RGS7BP: variants seen among roughly 807,000 people sequenced by gnomAD.
The protein encoded by RGS7BP is regulator of G protein signaling 7 binding protein, also known as regulator of G protein signaling 7-binding protein.
RGS7BP carries 9 observed loss-of-function variants against 31.3 expected under a neutral mutation model. The ratio of observed to expected loss-of-function variants is 0.29; its 90% CI spans 0.17 to 0.50. The LOEUF is 0.50. Ranked by LOEUF, RGS7BP falls within the 20% of genes least tolerant of loss-of-function variation. RGS7BP has a pLI of 0.98. For missense variants in RGS7BP, 274 were observed against 322.0 expected, an observed-to-expected ratio of 0.85 and a Z score of 1.14; for synonymous variants, 115 against 120.1, an observed-to-expected ratio of 0.96 and a Z score of 0.28.
intron 3 of RGS7BP, among the ~76,000 whole-genome samples, chr5:64,577,302 C>T (rs1388315877): frequency 6.6e-6 from 1 of 151,984 alleles, no homozygotes; most frequent in Non-Finnish European, 1.5e-5. Flanking sequence ...ATTAGCCAGG[C>T]TTGGTGGGGG....
Position 64,552,424 on chromosome 5 carries a change from G to A in RGS7BP, c.333-23350G>A, listed in dbSNP as rs1741819011. ...ACATTTTCTTAATTATTTAACTTATGAAGTAGAAAGTATCTTATTGAATTT... is the reference window on the plus strand; with the variant it reads ...ACATTTTCTTAATTATTTAACTTATAAAGTAGAAAGTATCTTATTGAATTT... On this transcript the variant is annotated intron_variant, in intron 2 of 5. Transcript: ENST00000334025. Among the ~76,000 whole-genome samples the A allele has an allele frequency of 1.3e-5, 2 of 151,980 alleles. 1 individual carries two copies. Among genetic ancestry groups the A allele is most frequent in the South Asian group, 4.2e-4 (2 of 4,812 alleles).
rs562190586 is a variant in RGS7BP, at chr5:64,609,791, A to T, written c.*539A>T. The T allele has an allele frequency of 5.9e-5, 9 of 152,780 alleles. 1 individual carries two copies. Among genetic ancestry groups the T allele is most frequent in the African/African-American group, 2.2e-4 (9 of 41,556 alleles). The allele number at this position is 152,780 out of a possible 1,614,324, so 9.5% of individuals were successfully genotyped here. On this transcript the variant is annotated 3_prime_UTR_variant, in exon 6 of 6. Transcript: ENST00000334025. ...CCTATTGCTTTCTCTGCACTCATTTACATTTAGTCTTCCATTCTGTCAGAA... is the reference window on the plus strand; with the variant it reads ...CCTATTGCTTTCTCTGCACTCATTTTCATTTAGTCTTCCATTCTGTCAGAA...
chr5:64,516,814 G>A (rs1372369077), intron 2 of RGS7BP, among the ~76,000 whole-genome samples: 3 of 152,078 alleles, frequency 2.0e-5, no homozygotes, highest in Non-Finnish European at 4.4e-5. Flanking sequence ...GAAATCACCT[G>A]GGAAGCTTTA....
At chr5:64,541,055 T>C (rs1271392020) in intron 2 of RGS7BP, among the ~76,000 whole-genome samples, 3 of 152,144 alleles carry the variant, frequency 2.0e-5, no homozygotes, top group African/African-American at 7.2e-5. Flanking sequence ...GGATAATTTA[T>C]AAAGAAAAGA....
At chr5:64,579,583 A>G (rs1285817700) in intron 3 of RGS7BP, among the ~76,000 whole-genome samples, 1 of 151,024 alleles carries the variant, frequency 6.6e-6, no homozygotes, top group Non-Finnish European at 1.5e-5. Context: ...AGAAAAGAAA[A>G]GAAATATATT....
intron 2 of RGS7BP, among the ~76,000 whole-genome samples, chr5:64,525,220 T>C (rs534420759): frequency 6.6e-6 from 1 of 151,790 alleles, no homozygotes; most frequent in East Asian, 2.0e-4. Context: ...GTGATGGAGG[T>C]AGAGATAGGA....
chr5:64,533,861 C>T (rs1749437148), intron 2 of RGS7BP, among the ~76,000 whole-genome samples: 1 of 152,138 alleles, frequency 6.6e-6, no homozygotes, highest in Non-Finnish European at 1.5e-5. Flanking sequence ...TATTGAGTAC[C>T]TACTATGTAC....
intron 3 of RGS7BP, among the ~76,000 whole-genome samples, chr5:64,589,108 A>G (rs1742839409): frequency 6.6e-6 from 1 of 151,894 alleles, no homozygotes; most frequent in Admixed American, 6.6e-5. Flanking sequence ...CAGCATGGCC[A>G]ACCTGGCCAA....
chr5:64,571,986 C>T (rs559266980), intron 2 of RGS7BP, among the ~76,000 whole-genome samples: 1 of 152,068 alleles, frequency 6.6e-6, no homozygotes, highest in Non-Finnish European at 1.5e-5. Flanking sequence ...ACAATCTAGT[C>T]GCTAACTCAT....
intron 2 of RGS7BP, among the ~76,000 whole-genome samples, chr5:64,528,329 A>G (rs552722660): frequency 1.3e-5 from 2 of 152,308 alleles, no homozygotes; most frequent in African/African-American, 4.8e-5. Context: ...GCATCCTGTG[A>G]TATTTTTTGC....
In RGS7BP at chr5:64,575,868, A is replaced by G; in HGVS notation, c.427A>G (p.Ile143Val). The stretch of plus-strand genomic sequence containing the variant: ...GTATACCACAGAGATGCTAAAATCC[A>G]TATGTCTGCTGGGGTCTCTTCAGTT... ...EMYTTEMLKSICLLGSLQFHR... is the reference protein window; with the variant it reads ...EMYTTEMLKSVCLLGSLQFHR... The change falls in exon 3 of 6, where the codon ATA (isoleucine) becomes GTA (valine). Residue 143 changes from isoleucine to valine, a missense_variant. Physicochemically the swap from Ile to Val is conservative, Grantham distance 29. Coordinates refer to ENST00000334025, the MANE Select transcript of RGS7BP (RefSeq NM_001029875.3). 1 of 1,613,514 alleles carries G rather than the reference A, an allele frequency of 6.2e-7. No homozygotes were observed. The highest frequency in any genetic ancestry group is 8.5e-7 in the Non-Finnish European group (1 of 1,179,676).
At chr5:64,534,276 G>A (rs1012112942) in intron 2 of RGS7BP, among the ~76,000 whole-genome samples, 1 of 152,158 alleles carries the variant, frequency 6.6e-6, no homozygotes, top group Non-Finnish European at 1.5e-5. Context: ...AGGCAGGAAA[G>A]CAGGACAAGA....
At chr5:64,589,787 G>C (rs962777236) in intron 3 of RGS7BP, among the ~76,000 whole-genome samples, 1 of 151,846 alleles carries the variant, frequency 6.6e-6, no homozygotes, top group Admixed American at 6.6e-5. Flanking sequence ...AATTAGCCAG[G>C]CATGGTCTTG....
intron 4 of RGS7BP, among the ~76,000 whole-genome samples, chr5:64,595,709 C>T (rs1186079077): frequency 1.3e-5 from 2 of 152,136 alleles, no homozygotes; most frequent in Non-Finnish European, 2.9e-5. Context: ...TGGGCAATTC[C>T]ACTGAGTGTT....
chr5:64,560,966 G>T lies in RGS7BP; in HGVS notation c.333-14808G>T, dbSNP rs183160239. ...CATTCATTTTTGTGTGTGCAGAAAA[G>T]AGCACAAAAAGTTAGAGAGGGTTCT... On this transcript the variant is annotated intron_variant, in intron 2 of 5. Coordinates refer to ENST00000334025, the MANE Select transcript of RGS7BP (RefSeq NM_001029875.3). Among the ~76,000 whole-genome samples the T allele has an allele frequency of 1.8e-3, 270 of 152,218 alleles. 4 individuals are homozygous for T. Among genetic ancestry groups the T allele is most frequent in the Non-Finnish European group, 9.6e-4 (65 of 68,002 alleles).
chr5:64,606,371 G>A (rs1283007498), intron 5 of RGS7BP, among the ~76,000 whole-genome samples: 1 of 151,894 alleles, frequency 6.6e-6, no homozygotes, highest in African/African-American at 2.4e-5. Context: ...GACCACTTCA[G>A]TCTCTCCCCA....
At chr5:64,568,286 TCACAAGACC>T in intron 2 of RGS7BP, among the ~76,000 whole-genome samples, 1 of 151,864 alleles carries the variant, frequency 6.6e-6, no homozygotes, top group Non-Finnish European at 1.5e-5. Context: ...GCTCTGAGAA[TCACAAGACC>T]TTATAAGACT....
At chr5:64,576,013 G>C (rs905740631) in intron 3 of RGS7BP, 109 bp downstream of exon 3, 3 of 957,938 alleles carry the variant, frequency 3.1e-6, no homozygotes, top group Non-Finnish European at 4.5e-6. Context: ...ATGCAATTAC[G>C]ATGAATTTAA....
chr5:64,573,454 G>C (rs1262093887), intron 2 of RGS7BP: 1 of 152,006 alleles, frequency 6.6e-6, no homozygotes, highest in African/African-American at 2.4e-5. Flanking sequence ...AAATAAGAAT[G>C]TTCCATGGCT....
Sources: gnomAD v4.1 joint callset for allele counts (sites outside exome capture counted in the v4.1 genomes callset) on GRCh38, gnomAD v4.1.1 for gene constraint, MANE v1.5 for transcripts, NCBI Gene and HGNC (gene_info 2026-07-23, HGNC 2026-07-21) for gene names.